The following OR2C3 variants were observed in gnomAD, a reference collection of about 807,000 sequenced individuals.
OR2C3 encodes olfactory receptor 2C3.
For synonymous variants in OR2C3, 178 were observed against 163.4 expected (o/e 1.09, Z -0.68); for missense variants, 425 against 401.5 (o/e 1.06, Z -0.50).
rs1411010115 is a variant in OR2C3, at chr1:247,529,367, A to C, written c.*2182T>G. ...TCATACTTCATACCTCAATATTCAG[A>C]AGCAGTGGGCTTGACTGAATGATGG... On this transcript the variant is annotated 3_prime_UTR_variant, in exon 3 of 3. Transcript: ENST00000641802. The C allele has an allele frequency of 6.6e-6, 1 of 152,192 alleles. No homozygotes were observed. Among genetic ancestry groups the C allele is most frequent in the Non-Finnish European group, 1.5e-5 (1 of 68,032 alleles). 9.4% of individuals were successfully genotyped at this position (152,192 alleles called of 1,614,324 possible).
rs1666727087 is a variant in OR2C3 at position 247,527,459 on chromosome 1, A to C, written c.*4090T>G. The stretch of plus-strand genomic sequence containing the variant: ...TCTACCAACTTGACTACTGAGCTTA[A>C]ACAAAGCCATGAACTGGCAGATGAA... On this transcript the variant is annotated 3_prime_UTR_variant, in exon 3 of 3. Coordinates refer to ENST00000641802, the MANE Select transcript of OR2C3 (RefSeq NM_198074.6). The surrounding 1 kb of genome is among the most constrained non-coding windows in gnomAD (Gnocchi z 4.6). 4 of 153,296 alleles carry C rather than the reference A, an allele frequency of 2.6e-5. No homozygotes were observed. The highest frequency in any genetic ancestry group is 4.4e-5 in the Non-Finnish European group (3 of 68,804). 9.5% of individuals were successfully genotyped at this position (153,296 alleles called of 1,614,324 possible).
chr1:247,534,803 T>C (rs553179671), intron 1 of OR2C3, among the ~76,000 whole-genome samples: 1 of 152,272 alleles, frequency 6.6e-6, no homozygotes, highest in South Asian at 2.1e-4. Context: ...TGCATTCAGT[T>C]TTAAAAATAC....
rs996644370 is a variant in OR2C3, at chr1:247,536,370, T to C, written c.-604A>G. The C allele has an allele frequency of 6.6e-6, 1 of 152,222 alleles. No homozygotes were observed. Among genetic ancestry groups the C allele is most frequent in the Admixed American group, 6.5e-5 (1 of 15,292 alleles). 9.4% of individuals were successfully genotyped at this position (152,222 alleles called of 1,614,324 possible). A position where few individuals can be genotyped will look rare whatever the true frequency, so the allele number is the denominator to read the frequency against. Reference sequence around the variant, plus strand: ...TGGTAGCAGACGTGTTAGATTCTGTTCAAATTCATGTCTAAAGGACACATT... The same window carrying C: ...TGGTAGCAGACGTGTTAGATTCTGTCCAAATTCATGTCTAAAGGACACATT... On this transcript the variant is annotated 5_prime_UTR_variant, in exon 1 of 3. Coordinates refer to ENST00000641802, the MANE Select transcript of OR2C3 (RefSeq NM_198074.6).
chr1:247,531,715 C>G lies in OR2C3; in HGVS notation c.797G>C (p.Ser266Thr). The change falls in exon 3 of 3, where the codon AGC becomes ACC. Residue 266 changes from serine (S) to threonine (T), a missense_variant. Transcript: ENST00000641802. ...IIFMYLQPAK[S>T]TSHEQGKFIA... ...GAACTTGCCCTGCTCATGGGAGGTG[C>G]TCTTGGCTGGCTGGAGATACATGAA... The G allele has an allele frequency of 6.2e-7, 1 of 1,614,150 alleles. No individual in the cohort carries two copies. The highest frequency in any genetic ancestry group is 2.2e-5 in the East Asian group (1 of 44,880).
At position 247,532,454 on chromosome 1, in the gene OR2C3, T is replaced by G. The variant is rs6697472; in HGVS notation, c.58A>C (p.Thr20Pro). 2 of 1,614,006 alleles carry G rather than the reference T, an allele frequency of 1.2e-6. No individual in the cohort carries two copies. Among genetic ancestry groups the G allele is most frequent in the Admixed American group, 1.7e-5 (1 of 60,032 alleles). ...PEVFVLLGFSTRPSLETVLFI... is the reference protein window; with the variant it reads ...PEVFVLLGFSPRPSLETVLFI... ...AGGACAGTTTCTAGTGAGGGTCGTG[T>G]GGAGAAGCCCAGGAGGACAAAGACT... The change falls in exon 3 of 3, where the codon ACA (threonine) becomes CCA (proline). Residue 20 changes from threonine (T) to proline (P), a missense_variant. Transcript: ENST00000641802.
At position 247,533,503 on chromosome 1, in the gene OR2C3, C is replaced by T. The variant is rs987266261; in HGVS notation, c.-30+4G>A. ...ACTAGCCATAAATAAATTATCTGAC[C>T]TACCTTACTGGATTGTAGATCATAA... On this transcript the variant is annotated splice_donor_region_variant and intron_variant, in intron 2 of 2. Coordinates refer to ENST00000641802, the MANE Select transcript of OR2C3 (RefSeq NM_198074.6). 6.6e-5 allele frequency: 10 copies of T among 152,178 alleles called. No individual in the cohort carries two copies. The highest frequency in any genetic ancestry group is 1.5e-4 in the Non-Finnish European group (10 of 68,032). 9.4% of individuals were successfully genotyped at this position (152,178 alleles called of 1,614,324 possible).
intron 2 of OR2C3, among the ~76,000 whole-genome samples, chr1:247,533,130 C>G (rs1667073318): frequency 6.6e-6 from 1 of 152,060 alleles, no homozygotes; most frequent in East Asian, 1.9e-4. Context: ...CCCTTCTCAC[C>G]ACCCCTGCTC....
Position 247,529,387 on chromosome 1 carries a change from T to C in OR2C3, c.*2162A>G, listed in dbSNP as rs1666814631. 1 of 152,210 alleles carries C rather than the reference T, an allele frequency of 6.6e-6. No individual in the cohort carries two copies. Among genetic ancestry groups the C allele is most frequent in the Non-Finnish European group, 1.5e-5 (1 of 68,038 alleles). The allele number at this position is 152,210 out of a possible 1,614,324, so 9.4% of individuals were successfully genotyped here. On this transcript the variant is annotated 3_prime_UTR_variant, in exon 3 of 3. Transcript: ENST00000641802. ...TTCAGAAGCAGTGGGCTTGACTGAA[T>C]GATGGAATGGGCTTTATTGAATGAT...
rs1666777305 is a variant in OR2C3, at chr1:247,528,487, C to T, written c.*3062G>A. The T allele has an allele frequency of 6.6e-6, 1 of 152,124 alleles. No homozygotes were observed. Among genetic ancestry groups the T allele is most frequent in the African/African-American group, 2.4e-5 (1 of 41,408 alleles). The allele number at this position is 152,124 out of a possible 1,614,324, so 9.4% of individuals were successfully genotyped here. ...AGGGACAAATCCTGCATGATCTCAC[C>T]CATATTTCATGTTTAGCCAACTGTT... On this transcript the variant is annotated 3_prime_UTR_variant, in exon 3 of 3. Coordinates refer to ENST00000641802, the MANE Select transcript of OR2C3 (RefSeq NM_198074.6).
At chr1:247,532,632 G>T in intron 2 of OR2C3, 92 bp from the exon 3 acceptor site, 2 of 1,000,810 alleles carry the variant, frequency 2.0e-6, no homozygotes, top group Non-Finnish European at 2.9e-6. Flanking sequence ...TTCATTTTAT[G>T]TTATTCTTTT....
rs1055140980 is a variant in OR2C3, at chr1:247,532,193, A to C, written c.319T>G (p.Trp107Gly). 2.5e-6 allele frequency: 4 copies of C among 1,614,076 alleles called. No individual in the cohort carries two copies. In the African/African-American group the frequency reaches 5.3e-5, roughly 22 times the overall value. The change falls in exon 3 of 3, where the codon TGG becomes GGG. Residue 107 changes from tryptophan to glycine, a missense_variant. By Grantham distance (184) the Trp-to-Gly change is radical. Coordinates refer to ENST00000641802, the MANE Select transcript of OR2C3 (RefSeq NM_198074.6). The stretch of plus-strand genomic sequence containing the variant: ...AGGACACACTCGGTTGCCCCCAGCC[A>C]ATGGGAGATATAGAACTGGACCACA... ...GCVVQFYISH[W>G]LGATECVLLA...
chr1:247,535,886 C>T (rs1667199590), intron 1 of OR2C3, among the ~76,000 whole-genome samples: 1 of 152,214 alleles, frequency 6.6e-6, no homozygotes, highest in Admixed American at 6.5e-5. Flanking sequence ...GCAACCCTAT[C>T]CCAAACACTG....
At position 247,528,443 on chromosome 1, in the gene OR2C3, T is replaced by A. The variant is rs570961583; in HGVS notation, c.*3106A>T. ...TGAACCTAGAAGACATTGTGTTAAG[T>A]GAAATAAGCCAAACACAAAGGGACA... is the stretch of plus-strand genomic sequence containing the variant. On this transcript the variant is annotated 3_prime_UTR_variant, in exon 3 of 3. Transcript: ENST00000641802. The A allele has an allele frequency of 1.2e-4, 18 of 152,254 alleles. No homozygotes were observed. Among genetic ancestry groups the A allele is most frequent in the African/African-American group, 4.3e-4 (18 of 41,550 alleles). The allele number at this position is 152,254 out of a possible 1,614,324, so 9.4% of individuals were successfully genotyped here. A position where few individuals can be genotyped will look rare whatever the true frequency, so the allele number is the denominator to read the frequency against.
rs112417189 is a variant in OR2C3, at chr1:247,531,256, G to C, written c.*293C>G. 9.4e-3 allele frequency: 3,606 copies of C among 384,918 alleles called. 132 individuals carry two copies. Among genetic ancestry groups the C allele is most frequent in the African/African-American group, 0.068 (3,314 of 48,682 alleles). 23.8% of individuals were successfully genotyped at this position (384,918 alleles called of 1,614,324 possible). Reference sequence around the variant, plus strand: ...GAGCGTCCTGGAATCCACCCGCTTCGGATACTGAGGAACAGCTGAACAACA... The same window carrying C: ...GAGCGTCCTGGAATCCACCCGCTTCCGATACTGAGGAACAGCTGAACAACA... On this transcript the variant is annotated 3_prime_UTR_variant, in exon 3 of 3. Transcript: ENST00000641802.
chr1:247,534,885 G>T (rs1292744638), intron 1 of OR2C3, among the ~76,000 whole-genome samples: 2 of 152,160 alleles, frequency 1.3e-5, no homozygotes, highest in East Asian at 1.9e-4. Flanking sequence ...AAATTCACAC[G>T]TGGAAGCTGT....
chr1:247,532,568 G>A, intron 2 of OR2C3, 28 bp from the exon 3 acceptor site: 1 of 1,520,518 alleles, frequency 6.6e-7, no homozygotes. Flanking sequence ...GGCATACAGG[G>A]CATGAGACAT....
chr1:247,534,684 C>G (rs1667147578), intron 1 of OR2C3, among the ~76,000 whole-genome samples: 1 of 152,132 alleles, frequency 6.6e-6, no homozygotes, highest in East Asian at 1.9e-4. Flanking sequence ...ATTAGGGGAA[C>G]AGAGCAGCTG....
At chr1:247,533,139 T>C (rs1572322068) in intron 2 of OR2C3, among the ~76,000 whole-genome samples, 1 of 152,148 alleles carries the variant, frequency 6.6e-6, no homozygotes, top group South Asian at 2.1e-4. Flanking sequence ...CCACCCCTGC[T>C]CCTGCCACTC....
Position 247,531,417 on chromosome 1 carries a change from C to G in OR2C3, c.*132G>C. The G allele has an allele frequency of 1.2e-6, 1 of 845,408 alleles. No homozygotes were observed. Among genetic ancestry groups the G allele is most frequent in the Non-Finnish European group, 1.9e-6 (1 of 537,260 alleles). The allele number at this position is 845,408 out of a possible 1,614,324, so 52.4% of individuals were successfully genotyped here. ...TTGGTCTGGAAATGGCATGAGCACA[C>G]TCCTTTCAGATTTCCATCTACCTTG... On this transcript the variant is annotated 3_prime_UTR_variant, in exon 3 of 3. Transcript: ENST00000641802.
Sources: allele counts gnomAD v4.1 joint callset (sites outside exome capture counted in the v4.1 genomes callset), GRCh38; gene constraint gnomAD v4.1.1; non-coding constraint Gnocchi (gnomAD v3.1); transcripts MANE v1.5; gene names NCBI Gene and HGNC (gene_info 2026-07-23, HGNC 2026-07-21).